The following CCDC187 variants were observed in gnomAD, a reference collection of about 807,000 sequenced individuals.
CCDC187 encodes the protein coiled-coil domain-containing protein 187.
A neutral mutation model predicts 38.0 loss-of-function variants in CCDC187; 32 were observed. The ratio of observed to expected loss-of-function variants is 0.84; its 90% CI spans 0.64 to 1.13. The LOEUF (loss-of-function observed/expected upper bound fraction) is 1.13. Ranked by LOEUF, CCDC187 falls within the 50% of genes most tolerant of loss-of-function variation. The pLI is 0.00. For missense variants in CCDC187, 707 were observed against 786.8 expected (o/e 0.90, Z 1.21); for synonymous variants, 333 against 347.9 (o/e 0.96, Z 0.48).
At chr9:136,293,315 TCACA>T (rs1416715582) in intron 4 of CCDC187, among the ~76,000 whole-genome samples, 4 of 122,988 alleles carry the variant, frequency 3.3e-5, no homozygotes, top group African/African-American at 1.0e-4. Context: ...GTTCACACAC[TCACA>T]CTCACATGCT....
rs530936991 is a variant in CCDC187, at chr9:136,256,257, C to T, written c.4570G>A (p.Val1524Met). 1.0e-5 allele frequency: 10 copies of T among 985,478 alleles called. No homozygotes were observed. The South Asian group carries it at 2.3e-4, about 23-fold the overall frequency. 61.0% of individuals were successfully genotyped at this position (985,478 alleles called of 1,614,324 possible). Residue 1524 changes from valine to methionine, a missense_variant, in exon 24 of 26, where the codon GTG becomes ATG. Transcript: ENST00000638797. Reference protein sequence around the residue: ...ESGLDFAESPVEESQETESWR... With the variant: ...ESGLDFAESPMEESQETESWR... ...CTCTCGGTTTCCTGGGACTCCTCCA[C>T]GGGGCTCTCAGCAAAATCCAGCCCC...
Position 136,264,329 on chromosome 9 carries a change from TC to T in CCDC187, c.3736-532del, listed in dbSNP as rs1303855244. ...CCACTGGGGAGTCCCAGACCCCACC[TC>T]CACCACGGCATCTCTATCTGCGACA... On this transcript the variant is annotated intron_variant, in intron 17 of 25. Coordinates refer to ENST00000638797, the MANE Select transcript of CCDC187 (RefSeq NM_001378188.1). This position sits in a 1 kb window ranked among gnomAD's most constrained non-coding sequence, Gnocchi z 4.3. 6.6e-6 allele frequency: 1 copy of T among 152,254 alleles called. No individual in the cohort carries two copies. Among genetic ancestry groups the T allele is most frequent in the Admixed American group, 6.5e-5 (1 of 15,290 alleles). 9.4% of individuals were successfully genotyped at this position (152,254 alleles called of 1,614,324 possible).
At chr9:136,280,067 TTC>T (rs1439099505) in intron 10 of CCDC187, among the ~76,000 whole-genome samples, 13 of 152,358 alleles carry the variant, frequency 8.5e-5, no homozygotes, top group African/African-American at 2.9e-4. Flanking sequence ...GTCTCTGGGA[TTC>T]TGTTACGACA....
At chr9:136,300,361 T>G (rs1831648001) in intron 2 of CCDC187, 43 bp from the exon 3 acceptor site, 1 of 398,388 alleles carries the variant, frequency 2.5e-6, no homozygotes, top group Non-Finnish European at 4.4e-6. Flanking sequence ...AGAAGAGAGA[T>G]CCGCAAAGAA....
At chr9:136,270,583 G>T (rs1167827172) in intron 14 of CCDC187, among the ~76,000 whole-genome samples, 2 of 152,208 alleles carry the variant, frequency 1.3e-5, no homozygotes, top group African/African-American at 4.8e-5. Context: ...TAGACAAGGA[G>T]GGTGACCACT....
At chr9:136,275,445 C>A (rs993280301) in intron 12 of CCDC187, among the ~76,000 whole-genome samples, 3 of 132,196 alleles carry the variant, frequency 2.3e-5, no homozygotes, top group Non-Finnish European at 3.6e-5. Context: ...TGTACTCCCA[C>A]ACACACACAC....
rs1222002576 is a variant in CCDC187, at chr9:136,252,929, T to C, written c.*665A>G. 2 of 152,316 alleles carry C rather than the reference T, an allele frequency of 1.3e-5. No individual in the cohort carries two copies. The highest frequency in any genetic ancestry group is 2.9e-5 in the Non-Finnish European group (2 of 68,150). 9.4% of individuals were successfully genotyped at this position (152,316 alleles called of 1,614,324 possible). On this transcript the variant is annotated 3_prime_UTR_variant, in exon 26 of 26. Coordinates refer to ENST00000638797, the MANE Select transcript of CCDC187 (RefSeq NM_001378188.1). ...GCAGCTCAGGCCTCCCTCAACGTCC[T>C]CACCAGCATGCTCAAGGGACCCAGA...
intron 23 of CCDC187, among the ~76,000 whole-genome samples, 188 bp from the exon 24 acceptor site, chr9:136,256,511 A>G (rs1395312149): frequency 2.6e-5 from 4 of 152,010 alleles, no homozygotes; most frequent in Admixed American, 6.6e-5. Context: ...CACCATGGAA[A>G]AAAAGTCTGT....
chr9:136,289,560 G>A (rs978625288), intron 7 of CCDC187, among the ~76,000 whole-genome samples: 8 of 150,494 alleles, frequency 5.3e-5, no homozygotes, highest in East Asian at 3.9e-4. Context: ...CAAATCCGTC[G>A]AGGCAGAAAG....
chr9:136,271,606 C>CTTTT (rs1272090795), intron 14 of CCDC187, among the ~76,000 whole-genome samples: 4 of 131,172 alleles, frequency 3.0e-5, no homozygotes, highest in South Asian at 4.8e-4. Context: ...AAGAGAAAGT[C>CTTTT]TTTTTTTTTT....
chr9:136,300,260 C>T lies in CCDC187; in HGVS notation c.684G>A (p.Gln228=). 1 of 398,698 alleles carries T rather than the reference C, an allele frequency of 2.5e-6. No individual in the cohort carries two copies. Among genetic ancestry groups the T allele is most frequent in the South Asian group, 1.3e-4 (1 of 7,864 alleles). 24.7% of individuals were successfully genotyped at this position (398,698 alleles called of 1,614,324 possible). Residue 228 remains glutamine, a synonymous_variant, in exon 3 of 26, where the codon CAG becomes CAA. Transcript: ENST00000638797. ...GGGAGACCCTGGAGAGCTCGCGCCC[C>T]TGGCCGTGGGATGCCTTGGCTTCAA... ...RRVEAKASHG[Q]GRELSRVSQH... is the part of the protein sequence containing the mutation.
rs1831043741 is a variant in CCDC187, at chr9:136,281,582, A to G, written c.3009T>C (p.Asp1003=). 6.3e-5 allele frequency: 25 copies of G among 398,426 alleles called. No homozygotes were observed. In the South Asian group the frequency reaches 2.3e-3, roughly 37 times the overall value. 24.7% of individuals were successfully genotyped at this position (398,426 alleles called of 1,614,324 possible). A position where few individuals can be genotyped will look rare whatever the true frequency, so the allele number is the denominator to read the frequency against. The change falls in exon 10 of 26, where the codon GAT becomes GAC. Residue 1003 remains aspartate, a synonymous_variant. Transcript: ENST00000638797. ...LEETPSVGGA[D]SVAPCTPRSC... is the part of the protein sequence containing the mutation. ...TCCGGGGGGTGCAGGGCGCCACAGA[A>G]TCTGCCCCTCCGACCGACGGCGTCT...
intron 9 of CCDC187, among the ~76,000 whole-genome samples, chr9:136,282,989 G>A (rs970667562): frequency 4.2e-4 from 64 of 152,348 alleles, no homozygotes; most frequent in African/African-American, 1.5e-3. Flanking sequence ...AGTGGCTCAC[G>A]CCTGTAATCC....
chr9:136,259,760 A>C (rs1305986691), intron 20 of CCDC187, among the ~76,000 whole-genome samples: 4 of 152,060 alleles, frequency 2.6e-5, no homozygotes, highest in African/African-American at 4.8e-5. Context: ...TGTTTCTGGG[A>C]CCTGCCTGGC....
rs2131100046 is a variant in CCDC187 at position 136,254,205 on chromosome 9, G to A, written c.5623C>T (p.Pro1875Ser). ...APPEAAGVVF[P>S]LQISSAGDSD... ...TCACCGGCAGAAGAGATTTGCAGCG[G>A]GAACACCACACCGGCGGCCTCAGGG... Residue 1875 changes from proline to serine, a missense_variant, in exon 26 of 26, where the codon CCG becomes TCG. Physicochemically the swap from Pro to Ser is moderately conservative, Grantham distance 74. Transcript: ENST00000638797. 1.0e-6 allele frequency: 1 copy of A among 985,476 alleles called. No homozygotes were observed. The highest frequency in any genetic ancestry group is 4.7e-5 in the South Asian group (1 of 21,278). 61.0% of individuals were successfully genotyped at this position (985,476 alleles called of 1,614,324 possible). A position where few individuals can be genotyped will look rare whatever the true frequency, so the allele number is the denominator to read the frequency against.
At chr9:136,270,564 A>G (rs1830823436) in intron 14 of CCDC187, among the ~76,000 whole-genome samples, 1 of 152,232 alleles carries the variant, frequency 6.6e-6, no homozygotes, top group Non-Finnish European at 1.5e-5. Context: ...TATGGGAGGA[A>G]CATGAAAGTA....
At chr9:136,296,206 T>C (rs1831531639) in intron 4 of CCDC187, 1 of 152,358 alleles carries the variant, frequency 6.6e-6, no homozygotes, top group Non-Finnish European at 1.5e-5. Context: ...TTGCACGCAG[T>C]GTGGAGAAAC....
intron 4 of CCDC187, among the ~76,000 whole-genome samples, chr9:136,294,417 T>C (rs1831485095): frequency 6.6e-6 from 1 of 152,250 alleles, no homozygotes; most frequent in African/African-American, 2.4e-5. Context: ...CTGGCCCCTA[T>C]GCCCCTTCCT....
chr9:136,277,477 G>A (rs1163923392), intron 10 of CCDC187, among the ~76,000 whole-genome samples: 1 of 124,790 alleles, frequency 8.0e-6, no homozygotes, highest in African/African-American at 3.0e-5. Flanking sequence ...GGGTGGGTGG[G>A]TGCTGAGGGG....
Sources: allele counts gnomAD v4.1 joint callset (sites outside exome capture counted in the v4.1 genomes callset), GRCh38; gene constraint gnomAD v4.1.1; non-coding constraint Gnocchi (gnomAD v3.1); transcripts MANE v1.5; gene names NCBI Gene and HGNC (gene_info 2026-07-23, HGNC 2026-07-21).